Variants in ADGRF5 observed in about 807,000 individuals in gnomAD.
ADGRF5 encodes adhesion G protein-coupled receptor F5, also known as G-protein coupled receptor 116.
A neutral mutation model predicts 132.3 loss-of-function variants in ADGRF5; 75 were observed. The ratio of observed to expected loss-of-function variants is 0.57; its 90% CI spans 0.47 to 0.69. ADGRF5 has a LOEUF of 0.69. Ranked by LOEUF, ADGRF5 falls within the 30% of genes least tolerant of loss-of-function variation. ADGRF5 has a pLI of 0.00. For synonymous variants in ADGRF5, 629 were observed against 597.6 expected (o/e 1.05, Z -0.77); for missense variants, 1,516 against 1,630.6 (o/e 0.93, Z 1.21).
rs1176702061 is a variant in ADGRF5, at chr6:46,860,744, G to A, written c.2350C>T (p.Pro784Ser). The A allele has an allele frequency of 2.5e-6, 4 of 1,613,566 alleles. No individual in the cohort carries two copies. The African/African-American group carries it at 4.0e-5, about 16-fold the overall frequency. Residue 784 changes from proline to serine, a missense_variant, in exon 16 of 21, where the codon CCA becomes TCA. Around this residue, in one of 2 missense-constraint regions of ADGRF5, gnomAD observed 571 missense variants for 701.2 expected, o/e 0.81. Coordinates refer to ENST00000283296, the MANE Select transcript of ADGRF5 (RefSeq NM_001098518.2). Reference sequence around the variant, plus strand: ...ATCATTTCTGAATTTACTTGGGTTGGAACTGTTGAGAGCAGATCAAGGATG... The same window carrying A: ...ATCATTTCTGAATTTACTTGGGTTGAAACTGTTGAGAGCAGATCAAGGATG... ...INILDLLSTV[P>S]TQVNSEMMTH... is the part of the protein sequence containing the mutation.
chr6:46,853,900 C>T lies in ADGRF5; in HGVS notation c.*92G>A, dbSNP rs73736670. The T allele has an allele frequency of 1.4e-3, 1,217 of 867,934 alleles. 12 individuals carry two copies. In the African/African-American group the frequency reaches 0.019, roughly 13 times the overall value. The allele number at this position is 867,934 out of a possible 1,614,324, so 53.8% of individuals were successfully genotyped here. On this transcript the variant is annotated 3_prime_UTR_variant, in exon 21 of 21. Transcript: ENST00000283296. ...GGCATCTGCTCCCGGAAACCTGCCC[C>T]GAGAACACGTTCCCCATTGCTTTGC...
intron 11 of ADGRF5, 70 bp downstream of exon 11, chr6:46,871,773 A>T: frequency 1.8e-6 from 2 of 1,091,548 alleles, no homozygotes; most frequent in Non-Finnish European, 2.7e-6. Flanking sequence ...TCCATAGCTC[A>T]CAGATCACTG....
intron 1 of ADGRF5, among the ~76,000 whole-genome samples, chr6:46,912,624 C>G (rs1024146743): frequency 3.9e-5 from 6 of 151,968 alleles, no homozygotes; most frequent in African/African-American, 1.5e-4. Context: ...CTACAGAATT[C>G]CAACAATCAA....
intron 3 of ADGRF5, among the ~76,000 whole-genome samples, chr6:46,896,180 G>C (rs777235681): frequency 6.6e-6 from 1 of 152,074 alleles, no homozygotes; most frequent in Non-Finnish European, 1.5e-5. Context: ...TTTCACTTAA[G>C]TGAGTTCATC....
intron 1 of ADGRF5, among the ~76,000 whole-genome samples, chr6:46,929,695 C>T (rs928210291): frequency 6.6e-5 from 10 of 151,980 alleles, no homozygotes; most frequent in East Asian, 5.8e-4. Flanking sequence ...ACTTGTTTAA[C>T]GATGTTTGGC....
intron 3 of ADGRF5, among the ~76,000 whole-genome samples, chr6:46,894,984 C>A (rs139954200): frequency 1.9e-3 from 296 of 152,242 alleles, no homozygotes; most frequent in African/African-American, 6.9e-3. Flanking sequence ...GGAGACCATC[C>A]TGGCCAACAC....
In ADGRF5 at chr6:46,852,541, T is replaced by C. The variant is rs547158485; in HGVS notation, c.*1451A>G. On this transcript the variant is annotated 3_prime_UTR_variant, in exon 21 of 21. Transcript: ENST00000283296. ...TTCTCCTTTTGGGATCGGACTTTTA[T>C]TTGCAATGTAGCGTTGCTGTATCAA... 1.3e-5 allele frequency: 2 copies of C among 152,326 alleles called. No individual in the cohort carries two copies. The highest frequency in any genetic ancestry group is 4.1e-4 in the South Asian group (2 of 4,832). 9.4% of individuals were successfully genotyped at this position (152,326 alleles called of 1,614,324 possible).
intron 1 of ADGRF5, among the ~76,000 whole-genome samples, chr6:46,915,979 C>G (rs112479235): frequency 4.1e-4 from 63 of 152,198 alleles, no homozygotes; most frequent in Middle Eastern, 3.4e-3. Context: ...TCAAGGCTCC[C>G]GAGCTTATGC....
intron 3 of ADGRF5, among the ~76,000 whole-genome samples, chr6:46,889,568 G>GTGTATATATATATA (rs1263241979): frequency 1.7e-4 from 13 of 77,786 alleles, no homozygotes; most frequent in African/African-American, 3.0e-4. Context: ...GTGTGTGTGT[G>GTGTATATATATATA]TATATATATA....
At chr6:46,922,407 C>T (rs1219814947), upstream of ADGRF5, among the ~76,000 whole-genome samples, 1 of 152,182 alleles carries the variant, frequency 6.6e-6, no homozygotes, top group Non-Finnish European at 1.5e-5. Context: ...GAGGGACGTC[C>T]AGTTCTCCTA....
chr6:46,953,679 A>ATC (rs1364035224), intron 1 of ADGRF5, among the ~76,000 whole-genome samples: 1 of 136,186 alleles, frequency 7.3e-6, no homozygotes, highest in African/African-American at 2.8e-5. Context: ...ATATATATAT[A>ATC]TATATATATA....
chr6:46,889,096 A>T (rs560196596), intron 3 of ADGRF5, among the ~76,000 whole-genome samples: 2 of 151,428 alleles, frequency 1.3e-5, no homozygotes, highest in South Asian at 2.1e-4. Context: ...CCGGGTGGTT[A>T]CCTGGCTTGC....
Position 46,879,820 on chromosome 6 carries a change from G to T in ADGRF5, c.1034C>A (p.Ala345Glu). ...LTIHNITPGD[A>E]GEYVCKLILD... The stretch of plus-strand genomic sequence containing the variant: ...CAAGTTACTGAATGGAGACCTACCT[G>T]CATCACCTGGAGTGATGTTGTGGAT... The change falls in exon 9 of 21, where the codon GCA becomes GAA. Residue 345 changes from alanine to glutamate, a missense_variant and splice_region_variant. Physicochemically the swap from Ala to Glu is moderately radical, Grantham distance 107. Around this residue, in one of 2 missense-constraint regions of ADGRF5, gnomAD observed 945 missense variants for 929.4 expected, o/e 1.02. Coordinates refer to ENST00000283296, the MANE Select transcript of ADGRF5 (RefSeq NM_001098518.2). 6.3e-7 allele frequency: 1 copy of T among 1,589,074 alleles called. No individual in the cohort carries two copies. Among genetic ancestry groups the T allele is most frequent in the Non-Finnish European group, 8.6e-7 (1 of 1,157,082 alleles).
At chr6:46,898,733 C>G (rs1774433806) in intron 3 of ADGRF5, among the ~76,000 whole-genome samples, 1 of 152,170 alleles carries the variant, frequency 6.6e-6, no homozygotes, top group Admixed American at 6.5e-5. Context: ...TTAGGGTAAG[C>G]CTGCCCTCTT....
intron 11 of ADGRF5, chr6:46,870,759 G>A: frequency 2.5e-6 from 1 of 398,048 alleles, no homozygotes; most frequent in Non-Finnish European, 5.1e-6. Flanking sequence ...CCTAAGACAG[G>A]TCCCAGTTTT....
At chr6:46,898,812 T>G (rs1422301034) in intron 3 of ADGRF5, among the ~76,000 whole-genome samples, 1 of 152,194 alleles carries the variant, frequency 6.6e-6, no homozygotes. Flanking sequence ...GATTCCATCC[T>G]AATGTGATAG....
chr6:46,880,183 C>A, intron 8 of ADGRF5, 144 bp from the exon 9 acceptor site: 1 of 640,768 alleles, frequency 1.6e-6, no homozygotes. Flanking sequence ...TGTCTCCTCA[C>A]TCCATTCCCA....
intron 1 of ADGRF5, among the ~76,000 whole-genome samples, chr6:46,953,454 T>C (rs888658866): frequency 6.6e-6 from 1 of 151,582 alleles, no homozygotes; most frequent in Non-Finnish European, 1.5e-5. Flanking sequence ...AAACCCCTTC[T>C]CTACTAAAAA....
At chr6:46,940,567 C>T (rs576223059) in intron 1 of ADGRF5, among the ~76,000 whole-genome samples, 1 of 152,254 alleles carries the variant, frequency 6.6e-6, no homozygotes, top group East Asian at 1.9e-4. Flanking sequence ...CCTGCATAAC[C>T]CATCCTGTAA....
Sources: gnomAD v4.1 joint callset for allele counts (sites outside exome capture counted in the v4.1 genomes callset) on GRCh38, gnomAD v4.1.1 for gene constraint, gnomAD v4.1.1 regional missense constraint, MANE v1.5 for transcripts, NCBI Gene and HGNC (gene_info 2026-07-23, HGNC 2026-07-21) for gene names.